POLE: variants seen among roughly 807,000 people sequenced by gnomAD.
The protein encoded by POLE is DNA polymerase epsilon catalytic subunit A.
Under a neutral mutation model 279.2 loss-of-function variants are expected in POLE, and 188 were observed. That is an observed-to-expected ratio of 0.67 (90% CI 0.60 to 0.76). The LOEUF (loss-of-function observed/expected upper bound fraction) is 0.76. Ranked by LOEUF, POLE falls within the 30% of genes least tolerant of loss-of-function variation. The pLI is 0.00. For missense variants in POLE, 2,703 were observed against 3,016.7 expected, an observed-to-expected ratio of 0.90 and a Z score of 2.44; for synonymous variants, 1,214 against 1,172.5, an observed-to-expected ratio of 1.04 and a Z score of -0.72.
rs772684226 is a variant in POLE, at chr12:132,681,163, G to A, written c.179C>T (p.Thr60Ile). 43 of 1,614,010 alleles carry A rather than the reference G, an allele frequency of 2.7e-5. No homozygotes were observed. Among genetic ancestry groups the A allele is most frequent in the Non-Finnish European group, 1.7e-6 (2 of 1,180,026 alleles). Residue 60 changes from threonine to isoleucine, a missense_variant, in exon 2 of 49, where the codon ACA becomes ATA. By Grantham distance (89) the Thr-to-Ile change is moderately conservative. This residue lies in a region of POLE where 1,011 missense variants were observed against 1,111.7 expected (regional missense o/e 0.91). Coordinates refer to ENST00000320574, the MANE Select transcript of POLE (RefSeq NM_006231.4). ...AGGATGCATGTTAATGAGCCAGCCT[G>A]TCTTCTCACCAGGCTCCTTCAGCCG... is the stretch of plus-strand genomic sequence containing the variant. Reference protein sequence around the residue: ...FERLKEPGEKTGWLINMHPTE... With the variant: ...FERLKEPGEKIGWLINMHPTE...
rs144781946 is a variant in POLE, at chr12:132,679,868, G to A, written c.423+86C>T. 65 of 1,106,866 alleles carry A rather than the reference G, an allele frequency of 5.9e-5. No individual in the cohort carries two copies. The African/African-American group carries it at 8.8e-4, about 15-fold the overall frequency. The allele number at this position is 1,106,866 out of a possible 1,614,324, so 68.6% of individuals were successfully genotyped here. ...CGCCCCATCACCCAACAGATGACCT[G>A]AATTTCTACCTCTTCCGATCCCACC... is the stretch of plus-strand genomic sequence containing the variant. On this transcript the variant is annotated intron_variant, in intron 5 of 48. Coordinates refer to ENST00000320574, the MANE Select transcript of POLE (RefSeq NM_006231.4).
At chr12:132,686,535 G>T (rs1593097120) in intron 1 of POLE, among the ~76,000 whole-genome samples, 1 of 152,086 alleles carries the variant, frequency 6.6e-6, no homozygotes, top group Admixed American at 6.5e-5. Context: ...AGGAGTTCGA[G>T]ACCAGCCTGG....
Position 132,649,852 on chromosome 12 carries a change from G to A in POLE, c.3620C>T (p.Pro1207Leu), listed in dbSNP as rs144086049. Residue 1207 changes from proline (P) to leucine (L), a missense_variant, in exon 30 of 49, where the codon CCA becomes CTA. Physicochemically the swap from Pro to Leu is moderately conservative, Grantham distance 98. This residue lies in a region of POLE where 1,551 missense variants were observed against 1,686.1 expected (regional missense o/e 0.92). Coordinates refer to ENST00000320574, the MANE Select transcript of POLE (RefSeq NM_006231.4). ...GAAGTCCTCCATGTCAGGAGCACTT[G>A]GCCTCGGACTGTCTTCTGAGGCCTC... The part of the protein sequence containing the change: ...MAEASEDSPR[P>L]SAPDMEDFGL... The A allele has an allele frequency of 1.5e-5, 25 of 1,613,972 alleles. No homozygotes were observed. In the African/African-American group the frequency reaches 1.6e-4, roughly 10 times the overall value.
At position 132,681,233 on chromosome 12, in the gene POLE, G is replaced by A. The variant is rs753101641; in HGVS notation, c.109C>T (p.Arg37Trp). 1.4e-5 allele frequency: 22 copies of A among 1,614,180 alleles called. No individual in the cohort carries two copies. Among genetic ancestry groups the A allele is most frequent in the Middle Eastern group, 1.6e-4 (1 of 6,062 alleles). Residue 37 changes from arginine (R) to tryptophan (W), a missense_variant, in exon 2 of 49, where the codon CGG becomes TGG. Coordinates refer to ENST00000320574, the MANE Select transcript of POLE (RefSeq NM_006231.4). ...TCCATCTTATCCGTCCACTGACTCC[G>A]TTCCAGGCGCTTGAGTGCCGAAACT... ...SSVSALKRLE[R>W]SQWTDKMDLR...
At position 132,624,383 on chromosome 12, in the gene POLE, T is replaced by C. The variant is rs1207385716; in HGVS notation, c.*314A>G. On this transcript the variant is annotated 3_prime_UTR_variant, in exon 49 of 49. Transcript: ENST00000320574. The stretch of plus-strand genomic sequence containing the variant: ...GACGCTCCCACCCCACCAGGTGTGG[T>C]GCAGGAAGCAACAGAGGCCTGGAAA... The C allele has an allele frequency of 4.4e-6, 2 of 456,770 alleles. No homozygotes were observed. The highest frequency in any genetic ancestry group is 5.1e-5 in the South Asian group (2 of 39,570). 28.3% of individuals were successfully genotyped at this position (456,770 alleles called of 1,614,324 possible). A position where few individuals can be genotyped will look rare whatever the true frequency, so the allele number is the denominator to read the frequency against.
Position 132,634,483 on chromosome 12 carries a change from T to C in POLE, c.5812-105A>G. 1.8e-6 allele frequency: 2 copies of C among 1,109,970 alleles called. No individual in the cohort carries two copies. Among genetic ancestry groups the C allele is most frequent in the South Asian group, 1.5e-5 (1 of 68,478 alleles). The allele number at this position is 1,109,970 out of a possible 1,614,324, so 68.8% of individuals were successfully genotyped here. A position where few individuals can be genotyped will look rare whatever the true frequency, so the allele number is the denominator to read the frequency against. ...TCCAACCTGGGTCCATCTGCCCCGT[T>C]TGACCAGAGGCCTTCCTCGCAGTCA... On this transcript the variant is annotated intron_variant, in intron 42 of 48. Coordinates refer to ENST00000320574, the MANE Select transcript of POLE (RefSeq NM_006231.4). This position sits in a 1 kb window ranked among gnomAD's most constrained non-coding sequence, Gnocchi z 4.0.
chr12:132,625,597 C>G (rs1377127270), intron 47 of POLE, 48 bp downstream of exon 47: 2 of 1,604,202 alleles, frequency 1.2e-6, no homozygotes, highest in Non-Finnish European at 1.7e-6. Context: ...GCACAGAAAC[C>G]CCCCTGTGGA....
chr12:132,645,637 T>A (rs1286965438), intron 32 of POLE, among the ~76,000 whole-genome samples: 2 of 152,206 alleles, frequency 1.3e-5, no homozygotes, highest in South Asian at 2.1e-4. Flanking sequence ...AAAGGATTTT[T>A]AAAAATACCC....
rs2138599784 is a variant in POLE at position 132,649,050 on chromosome 12, C to A, written c.4028G>T (p.Gly1343Val). Residue 1343 changes from glycine (G) to valine (V), a missense_variant, in exon 32 of 49, where the codon GGC (glycine) becomes GTC (valine). Physicochemically the swap from Gly to Val is moderately radical, Grantham distance 109. Around this residue, in one of 5 missense-constraint regions of POLE, gnomAD observed 1,551 missense variants for 1,686.1 expected, o/e 0.92. Transcript: ENST00000320574. ...AACGAGCGCCCACAGCCTGAACAGGCCGGCCTGGCTGGTCTCGCTGATCTG... is the reference window on the plus strand; with the variant it reads ...AACGAGCGCCCACAGCCTGAACAGGACGGCCTGGCTGGTCTCGCTGATCTG... ...IVQISETSQA[G>V]LFRLWALVGS... The A allele has an allele frequency of 6.2e-7, 1 of 1,612,858 alleles. No homozygotes were observed. The highest frequency in any genetic ancestry group is 8.5e-7 in the Non-Finnish European group (1 of 1,179,798).
At position 132,675,938 on chromosome 12, in the gene POLE, C is replaced by T; in HGVS notation, c.1021-118G>A. Reference sequence around the variant, plus strand: ...TGTTGGCCCTTATTCCTGCCCCGCCCCTCCGCCCGTCTCTGGCAGAAAAGA... The same window carrying T: ...TGTTGGCCCTTATTCCTGCCCCGCCTCTCCGCCCGTCTCTGGCAGAAAAGA... On this transcript the variant is annotated intron_variant, in intron 10 of 48. Transcript: ENST00000320574. The surrounding 1 kb of genome is among the most constrained non-coding windows in gnomAD (Gnocchi z 4.3). The T allele has an allele frequency of 1.0e-6, 1 of 961,886 alleles. No homozygotes were observed. Among genetic ancestry groups the T allele is most frequent in the East Asian group, 2.4e-5 (1 of 41,182 alleles). The allele number at this position is 961,886 out of a possible 1,614,324, so 59.6% of individuals were successfully genotyped here. A position where few individuals can be genotyped will look rare whatever the true frequency, so the allele number is the denominator to read the frequency against.
At position 132,624,044 on chromosome 12, in the gene POLE, A is replaced by T; in HGVS notation, c.*653T>A. On this transcript the variant is annotated 3_prime_UTR_variant, in exon 49 of 49. Transcript: ENST00000320574. ...CAAGGGCTGCAGTGAGCCAAAAGTG[A>T]GGTGCACAGAGGTCTTGTTTTCCTG... 1 of 203,466 alleles carries T rather than the reference A, an allele frequency of 4.9e-6. No homozygotes were observed. The highest frequency in any genetic ancestry group is 7.5e-5 in the East Asian group (1 of 13,304). 12.6% of individuals were successfully genotyped at this position (203,466 alleles called of 1,614,324 possible). A position where few individuals can be genotyped will look rare whatever the true frequency, so the allele number is the denominator to read the frequency against.
At chr12:132,653,568 G>A (rs972519021) in intron 29 of POLE, among the ~76,000 whole-genome samples, 36 of 152,234 alleles carry the variant, frequency 2.4e-4, no homozygotes, top group African/African-American at 7.7e-4. Flanking sequence ...ATACATATAA[G>A]TTAACACAAA....
rs368482979 is a variant in POLE at position 132,677,734 on chromosome 12, G to C, written c.579-15C>G. ...TCTGCAGAACACTAGGAATTAACAAGAGAGCAACTAACTCAGCTGCCAGGG... is the reference window on the plus strand; with the variant it reads ...TCTGCAGAACACTAGGAATTAACAACAGAGCAACTAACTCAGCTGCCAGGG... On this transcript the variant is annotated splice_polypyrimidine_tract_variant and intron_variant, in intron 6 of 48. Coordinates refer to ENST00000320574, the MANE Select transcript of POLE (RefSeq NM_006231.4). 3.1e-6 allele frequency: 5 copies of C among 1,612,542 alleles called. No individual in the cohort carries two copies. Among genetic ancestry groups the C allele is most frequent in the African/African-American group, 1.3e-5 (1 of 74,882 alleles).
At chr12:132,679,844 G>T in intron 5 of POLE, 110 bp downstream of exon 5, 2 of 981,390 alleles carry the variant, frequency 2.0e-6, no homozygotes, top group Non-Finnish European at 1.6e-6. Flanking sequence ...TCACCACACC[G>T]CCCCATCACC....
intron 47 of POLE, 134 bp downstream of exon 47, chr12:132,625,511 C>A (rs755403649): frequency 9.0e-7 from 1 of 1,109,714 alleles, no homozygotes; most frequent in Admixed American, 1.7e-5. Context: ...AGGGCATGGA[C>A]TGGTCTGCAG....
chr12:132,681,648 GTA>G (rs2043170442), intron 1 of POLE, among the ~76,000 whole-genome samples: 1 of 152,058 alleles, frequency 6.6e-6, no homozygotes, highest in Admixed American at 6.6e-5. Context: ...ATATGACAGG[GTA>G]TATATATTCC....
At chr12:132,665,188 T>G in intron 21 of POLE, 114 bp downstream of exon 21, 2 of 1,050,708 alleles carry the variant, frequency 1.9e-6, no homozygotes, top group Non-Finnish European at 2.8e-6. Context: ...CCCTCCAACA[T>G]TCCTTGAATC....
intron 41 of POLE, among the ~76,000 whole-genome samples, chr12:132,637,624 C>A (rs1036543959): frequency 6.6e-6 from 1 of 152,252 alleles, no homozygotes; most frequent in African/African-American, 2.4e-5. Flanking sequence ...GGGAACCACA[C>A]CACTCCACTC....
rs973405989 is a variant in POLE, at chr12:132,643,321, C to T, written c.4454G>A (p.Arg1485His). 13 of 1,613,936 alleles carry T rather than the reference C, an allele frequency of 8.1e-6. No homozygotes were observed. The highest frequency in any genetic ancestry group is 2.2e-5 in the South Asian group (2 of 91,088). The change falls in exon 35 of 49, where the codon CGC becomes CAC. Residue 1485 changes from arginine to histidine, a missense_variant. Transcript: ENST00000320574. ...TGCGTGGTGGTACAGGTAGATATGGCGGATACTCCCTGGAGAAGGAAACAA... is the reference window on the plus strand; with the variant it reads ...TGCGTGGTGGTACAGGTAGATATGGTGGATACTCCCTGGAGAAGGAAACAA... The part of the protein sequence containing the change: ...QFSYLEPGSI[R>H]HIYLYHHAQA...
Sources: gnomAD v4.1 joint callset for allele counts (sites outside exome capture counted in the v4.1 genomes callset) on GRCh38, gnomAD v4.1.1 for gene constraint, gnomAD v4.1.1 regional missense constraint, Gnocchi (gnomAD v3.1) non-coding constraint, MANE v1.5 for transcripts, NCBI Gene and HGNC (gene_info 2026-07-23, HGNC 2026-07-21) for gene names.